The following UHRF1 variants were observed in gnomAD, a reference collection of about 807,000 sequenced individuals.
UHRF1 encodes the protein E3 ubiquitin-protein ligase UHRF1.
A neutral mutation model predicts 96.5 loss-of-function variants in UHRF1; 9 were observed. The observed-to-expected ratio is 0.09, with a 90% confidence interval of 0.06 to 0.16. The LOEUF is 0.16. UHRF1 is among the 10% of genes least tolerant of loss of function. The probability of loss-of-function intolerance (pLI) is 1.00; values close to 1 mark genes in which losing one functional copy is unlikely to be tolerated. For missense variants in UHRF1, 626 were observed against 1,131.1 expected, an observed-to-expected ratio of 0.55 and a Z score of 6.40; for synonymous variants, 455 against 469.9, an observed-to-expected ratio of 0.97 and a Z score of 0.41.
chr19:4,905,368 C>T (rs2032045889), upstream of UHRF1, among the ~76,000 whole-genome samples: 1 of 151,628 alleles, frequency 6.6e-6, no homozygotes, highest in South Asian at 2.1e-4. Context: ...ATCCACCTGC[C>T]TCAGCCTCCC....
chr19:4,950,117 T>C (rs914217222), intron 11 of UHRF1, among the ~76,000 whole-genome samples: 1 of 151,066 alleles, frequency 6.6e-6, no homozygotes, highest in Non-Finnish European at 1.5e-5. Flanking sequence ...GCAATCCTCC[T>C]GCCTTGGCCT....
intron 2 of UHRF1, among the ~76,000 whole-genome samples, chr19:4,914,236 A>T (rs1261915090): frequency 6.6e-6 from 1 of 152,046 alleles, no homozygotes; most frequent in South Asian, 2.1e-4. Context: ...GGCAGCAGGG[A>T]GGTTTGGACA....
At chr19:4,915,344 T>G (rs922517155) in intron 2 of UHRF1, among the ~76,000 whole-genome samples, 1 of 152,160 alleles carries the variant, frequency 6.6e-6, no homozygotes, top group Non-Finnish European at 1.5e-5. Flanking sequence ...TCACCACTGC[T>G]GTTGTGGCCC....
chr19:4,957,231 C>T lies in UHRF1; in HGVS notation c.2235+418C>T, dbSNP rs546297839. On this transcript the variant is annotated intron_variant, in intron 16 of 16. Coordinates refer to ENST00000650932, the MANE Select transcript of UHRF1 (RefSeq NM_001048201.3). ...TGGCTCTGGGCACTGGGGTGGTGGC[C>T]TGCCATGGGCTTTAAACTCAGGACA... is the stretch of plus-strand genomic sequence containing the variant. 2.0e-5 allele frequency among the ~76,000 whole-genome samples: 3 copies of T among 150,764 alleles called. No homozygotes were observed. In the South Asian group the frequency reaches 6.3e-4, roughly 32 times the overall value.
At chr19:4,946,606 C>T (rs1226400758) in intron 10 of UHRF1, among the ~76,000 whole-genome samples, 2 of 150,626 alleles carry the variant, frequency 1.3e-5, no homozygotes, top group Non-Finnish European at 3.0e-5. Context: ...TTTTTGAGAC[C>T]GAGTCTCATT....
intron 2 of UHRF1, among the ~76,000 whole-genome samples, chr19:4,918,440 A>G (rs929289833): frequency 2.2e-5 from 3 of 139,364 alleles, no homozygotes; most frequent in African/African-American, 8.1e-5. Flanking sequence ...TTTTTTTGAG[A>G]CAGAGTCTTG....
chr19:4,909,962 CA>C (rs1568403649), intron 1 of UHRF1, among the ~76,000 whole-genome samples: 2 of 150,582 alleles, frequency 1.3e-5, no homozygotes, highest in Admixed American at 1.3e-4. Context: ...CCCCGCGATT[CA>C]ATTGTCGCGC....
intron 5 of UHRF1, among the ~76,000 whole-genome samples, chr19:4,936,342 TAGG>T (rs2033215768): frequency 6.6e-6 from 1 of 152,056 alleles, no homozygotes; most frequent in Admixed American, 6.6e-5. Flanking sequence ...GTCCCTGTCT[TAGG>T]AGGCACCCAG....
At chr19:4,929,001 C>G (rs2032960409) in intron 2 of UHRF1, among the ~76,000 whole-genome samples, 1 of 152,196 alleles carries the variant, frequency 6.6e-6, no homozygotes, top group Admixed American at 6.5e-5. Flanking sequence ...TGCCAAAAGC[C>G]CTCGCTAGAG....
chr19:4,915,424 A>G (rs188921790), intron 2 of UHRF1, among the ~76,000 whole-genome samples: 3 of 152,326 alleles, frequency 2.0e-5, no homozygotes, highest in East Asian at 1.9e-4. Flanking sequence ...ATTTATAAAA[A>G]CAGGTATGGC....
chr19:4,931,146 A>C (rs1286075923), intron 4 of UHRF1, among the ~76,000 whole-genome samples: 1 of 151,910 alleles, frequency 6.6e-6, no homozygotes, highest in Non-Finnish European at 1.5e-5. Context: ...GTTTTATTCC[A>C]TCTTCCGGGT....
At chr19:4,950,228 A>G (rs1012382055) in intron 11 of UHRF1, among the ~76,000 whole-genome samples, 5 of 149,918 alleles carry the variant, frequency 3.3e-5, no homozygotes, top group East Asian at 3.9e-4. Flanking sequence ...TTATACATAT[A>G]TAACTTTGAA....
intron 11 of UHRF1, among the ~76,000 whole-genome samples, chr19:4,950,070 C>G (rs1345271814): frequency 6.7e-6 from 1 of 150,236 alleles, no homozygotes. Flanking sequence ...GGGGTTTTGC[C>G]ACGTTGGCCA....
intron 13 of UHRF1, among the ~76,000 whole-genome samples, chr19:4,952,114 A>G (rs903664738): frequency 3.3e-5 from 5 of 152,068 alleles, no homozygotes; most frequent in Non-Finnish European, 7.4e-5. Context: ...TTGTTTTGAG[A>G]TGGAGTCTTG....
chr19:4,942,847 C>T (rs949065787), intron 7 of UHRF1, among the ~76,000 whole-genome samples: 8 of 152,136 alleles, frequency 5.3e-5, no homozygotes, highest in Admixed American at 1.3e-4. Context: ...GTAAGAGGAT[C>T]GGATCGCTGG....
rs555038670 is a variant in UHRF1, at chr19:4,961,243, T to G, written c.*440T>G. 7 of 99,668 alleles carry G rather than the reference T, an allele frequency of 7.0e-5. No homozygotes were observed. The South Asian group carries it at 1.6e-3, about 23-fold the overall frequency. 6.2% of individuals were successfully genotyped at this position (99,668 alleles called of 1,614,324 possible). A position where few individuals can be genotyped will look rare whatever the true frequency, so the allele number is the denominator to read the frequency against. The stretch of plus-strand genomic sequence containing the variant: ...AGAGCAAGCATCTTCCTGACAGCAT[T>G]TTGTCATCTAAAGTCCAGTGACATG... On this transcript the variant is annotated 3_prime_UTR_variant, in exon 17 of 17. Transcript: ENST00000650932.
chr19:4,950,614 G>T lies in UHRF1; in HGVS notation c.1521G>T (p.Ala507=), dbSNP rs775286606. The T allele has an allele frequency of 9.3e-6, 15 of 1,611,092 alleles. No individual in the cohort carries two copies. Among genetic ancestry groups the T allele is most frequent in the Middle Eastern group, 2.0e-4 (1 of 4,890 alleles). ...GGGGTCCTGACTCTCCCTGCAGGGCGCTGGCTCTCAACTGCTTTGCTCCCA... is the reference window on the plus strand; with the variant it reads ...GGGGTCCTGACTCTCCCTGCAGGGCTCTGGCTCTCAACTGCTTTGCTCCCA... ...CDQKLTNTNR[A]LALNCFAPIN... The change falls in exon 12 of 17, where the codon GCG becomes GCT. Residue 507 remains alanine, a synonymous_variant. Coordinates refer to ENST00000650932, the MANE Select transcript of UHRF1 (RefSeq NM_001048201.3).
At chr19:4,904,601 G>C (rs2032027277), upstream of UHRF1, among the ~76,000 whole-genome samples, 1 of 152,202 alleles carries the variant, frequency 6.6e-6, no homozygotes, top group Non-Finnish European at 1.5e-5. Context: ...ACAGGCATGA[G>C]CTACCACGCC....
At chr19:4,959,762 G>A (rs1200298879) in intron 16 of UHRF1, among the ~76,000 whole-genome samples, 1 of 152,168 alleles carries the variant, frequency 6.6e-6, no homozygotes, top group African/African-American at 2.4e-5. Context: ...GAGTGCAATG[G>A]CGTGATCATG....
Sources: gnomAD v4.1 joint callset for allele counts (sites outside exome capture counted in the v4.1 genomes callset) on GRCh38, gnomAD v4.1.1 for gene constraint, MANE v1.5 for transcripts, NCBI Gene and HGNC (gene_info 2026-07-23, HGNC 2026-07-21) for gene names.